Variants in EYS observed in about 807,000 individuals in gnomAD.
The protein encoded by EYS is protein eyes shut homolog.
A neutral mutation model predicts 282.1 loss-of-function variants in EYS; 250 were observed. That is an observed-to-expected ratio of 0.89 (90% confidence interval 0.80 to 0.98). The LOEUF is 0.98. EYS is among the 50% of genes least tolerant of loss of function. The pLI is 0.00. For synonymous variants in EYS, 1,355 were observed against 1,282.9 expected (o/e 1.06, Z -1.20); for missense variants, 4,016 against 3,709.0 (o/e 1.08, Z -2.15).
At chr6:65,624,210 T>G (rs1441754366) in intron 2 of EYS, among the ~76,000 whole-genome samples, 1 of 152,230 alleles carries the variant, frequency 6.6e-6, no homozygotes, top group Non-Finnish European at 1.5e-5. Flanking sequence ...GTTCCCCTGA[T>G]AGATATCAGT....
At chr6:64,628,560 A>G (rs2149858880) in intron 22 of EYS, among the ~76,000 whole-genome samples, 1 of 152,238 alleles carries the variant, frequency 6.6e-6, no homozygotes, top group South Asian at 2.1e-4. Context: ...GGTGTGCACC[A>G]TCACACCTGC....
rs116422005 is a variant in EYS, at chr6:64,431,422, T to C, written c.5927+4752A>G. On this transcript the variant is annotated intron_variant, in intron 28 of 42. Transcript: ENST00000503581. ...TGCTGAGGGTTAACACTTCAATGCATAAATTTTGTGAAAACCCAATTTAAT... is the reference window on the plus strand; with the variant it reads ...TGCTGAGGGTTAACACTTCAATGCACAAATTTTGTGAAAACCCAATTTAAT... Among the ~76,000 whole-genome samples the C allele has an allele frequency of 8.4e-3, 1,274 of 152,274 alleles. 22 individuals are homozygous for C. Among genetic ancestry groups the C allele is most frequent in the African/African-American group, 0.029 (1,221 of 41,554 alleles).
chr6:65,634,338 A>T (rs574777783), intron 2 of EYS, among the ~76,000 whole-genome samples: 28 of 152,268 alleles, frequency 1.8e-4, no homozygotes, highest in South Asian at 6.2e-4. Context: ...ATTATAATTT[A>T]AAAAAATTAT....
chr6:65,110,309 C>T (rs562185653), intron 12 of EYS, among the ~76,000 whole-genome samples: 2 of 152,106 alleles, frequency 1.3e-5, no homozygotes, highest in South Asian at 4.2e-4. Flanking sequence ...AAAGAACTAA[C>T]CAGGAAGATC....
intron 1 of EYS, among the ~76,000 whole-genome samples, chr6:65,694,181 C>G (rs1325237835): frequency 6.7e-6 from 1 of 150,068 alleles, no homozygotes; most frequent in Non-Finnish European, 1.5e-5. Context: ...TTGCTTGAAC[C>G]TGGGAAGCAG....
At chr6:64,278,368 A>G (rs1243900428) in intron 30 of EYS, among the ~76,000 whole-genome samples, 1 of 152,134 alleles carries the variant, frequency 6.6e-6, no homozygotes, top group Admixed American at 6.6e-5. Flanking sequence ...TTAATAATGA[A>G]ATTATTCATT....
chr6:64,317,661 C>T (rs1770028059), intron 29 of EYS, among the ~76,000 whole-genome samples: 1 of 152,054 alleles, frequency 6.6e-6, no homozygotes, highest in African/African-American at 2.4e-5. Flanking sequence ...CCATTTGACC[C>T]AGCAATCCCT....
intron 31 of EYS, among the ~76,000 whole-genome samples, chr6:64,173,746 T>C (rs1179891645): frequency 6.6e-6 from 1 of 152,196 alleles, no homozygotes; most frequent in Non-Finnish European, 1.5e-5. Context: ...CTTTTACATA[T>C]ATGTATTAAA....
chr6:63,839,609 A>T (rs1434974144), intron 36 of EYS, among the ~76,000 whole-genome samples: 1 of 152,112 alleles, frequency 6.6e-6, no homozygotes, highest in Non-Finnish European at 1.5e-5. Flanking sequence ...TCTGCCTCCC[A>T]AAGTGCTGAC....
chr6:65,615,283 G>A (rs1242651281), intron 2 of EYS, among the ~76,000 whole-genome samples: 1 of 151,926 alleles, frequency 6.6e-6, no homozygotes, highest in Non-Finnish European at 1.5e-5. Flanking sequence ...AGACTGGCAA[G>A]TAGTGGGTAT....
chr6:63,886,829 G>A (rs1447282118), intron 35 of EYS, among the ~76,000 whole-genome samples: 2 of 152,144 alleles, frequency 1.3e-5, no homozygotes, highest in Non-Finnish European at 2.9e-5. Flanking sequence ...AGTGCAAAAA[G>A]TACAATAGTG....
chr6:63,738,081 G>A (rs1382456561), intron 41 of EYS, among the ~76,000 whole-genome samples: 5 of 152,068 alleles, frequency 3.3e-5, no homozygotes, highest in Admixed American at 3.3e-4. Flanking sequence ...AAAAAGTCAG[G>A]AAACAACAGG....
At position 63,781,793 on chromosome 6, in the gene EYS, G is replaced by A. The variant is rs192595279; in HGVS notation, c.7724-3613C>T. On this transcript the variant is annotated intron_variant, in intron 39 of 42. Coordinates refer to ENST00000503581, the MANE Select transcript of EYS (RefSeq NM_001142800.2). ...CAGAACTTCCAACAGTATGTTGAATGGGAGTGGTGAGAGAGGGCATCCCTA... is the reference window on the plus strand; with the variant it reads ...CAGAACTTCCAACAGTATGTTGAATAGGAGTGGTGAGAGAGGGCATCCCTA... 6.6e-5 allele frequency among the ~76,000 whole-genome samples: 10 copies of A among 152,230 alleles called. No individual in the cohort carries two copies. In the East Asian group the frequency reaches 1.9e-3, roughly 29 times the overall value.
intron 15 of EYS, among the ~76,000 whole-genome samples, chr6:64,934,135 TAAA>T (rs753698919): frequency 6.9e-6 from 1 of 144,524 alleles, no homozygotes; most frequent in African/African-American, 2.5e-5. Context: ...TAAAGTATAT[TAAA>T]AAAAAAAAGT....
chr6:65,322,009 C>T (rs1003901194), intron 11 of EYS, among the ~76,000 whole-genome samples: 12 of 152,118 alleles, frequency 7.9e-5, no homozygotes, highest in Non-Finnish European at 1.3e-4. Flanking sequence ...ACAGCTTCCT[C>T]GTACCAAGAT....
At chr6:64,490,124 G>A (rs1398852497) in intron 26 of EYS, among the ~76,000 whole-genome samples, 2 of 150,844 alleles carry the variant, frequency 1.3e-5, no homozygotes, top group Non-Finnish European at 3.0e-5. Context: ...GTGAACAATA[G>A]GTATCCTTCC....
intron 35 of EYS, among the ~76,000 whole-genome samples, chr6:63,912,517 C>G (rs959025137): frequency 6.6e-6 from 1 of 152,128 alleles, no homozygotes; most frequent in Non-Finnish European, 1.5e-5. Context: ...GTGTATTTTA[C>G]ACTTAGAGCA....
At chr6:64,846,510 T>A (rs1382408660) in intron 19 of EYS, among the ~76,000 whole-genome samples, 3 of 152,038 alleles carry the variant, frequency 2.0e-5, no homozygotes, top group Non-Finnish European at 4.4e-5. Context: ...ATCTCAAGTA[T>A]AAGAAGAAAA....
rs58522364 is a variant in EYS at position 65,397,583 on chromosome 6, GGTGTGTGTGTGTGTGTGTGT to G, written c.1184+4875_1184+4894del. ...TTTGGGTGGCTAAGTTGTATTTCATGGTGTGTGTGTGTGTGTGTGTGTGTGTGTGTGTGTGTGTGTGTGTG... is the reference window on the plus strand; with the variant it reads ...TTTGGGTGGCTAAGTTGTATTTCATGGTGTGTGTGTGTGTGTGTGTGTGTG... On this transcript the variant is annotated intron_variant, in intron 7 of 42. Coordinates refer to ENST00000503581, the MANE Select transcript of EYS (RefSeq NM_001142800.2). 9.5e-4 allele frequency among the ~76,000 whole-genome samples: 131 copies of G among 138,284 alleles called. 1 individual carries two copies. The highest frequency in any genetic ancestry group is 3.2e-3 in the African/African-American group (119 of 36,832). The allele number at this position is 138,284 out of a possible 152,430, so 90.7% of individuals were successfully genotyped here. A position where few individuals can be genotyped will look rare whatever the true frequency, so the allele number is the denominator to read the frequency against.
Sources: allele counts gnomAD v4.1 joint callset (sites outside exome capture counted in the v4.1 genomes callset), GRCh38; gene constraint gnomAD v4.1.1; transcripts MANE v1.5; gene names NCBI Gene and HGNC (gene_info 2026-07-23, HGNC 2026-07-21).